Variants in KCNQ1OT1 observed in about 807,000 individuals in gnomAD.
KCNQ1OT1 encodes KCNQ1 opposite strand/antisense transcript 1, also known as KCNQ1 antisense RNA 2 (non-protein coding).
exon 1 of KCNQ1OT1, chr11:2,685,508 C>G (rs371994192): frequency 2.5e-6 from 1 of 398,816 alleles, no homozygotes; most frequent in Admixed American, 4.4e-5. Context: ...CACATCCAGA[C>G]AGGAGACGCT....
At chr11:2,650,681 T>G (rs1849743276) in exon 1 of KCNQ1OT1, 1 of 398,672 alleles carries the variant, frequency 2.5e-6, no homozygotes, top group Non-Finnish European at 4.4e-6. Context: ...GCCTCTTCTC[T>G]GATTCTGTAT....
exon 1 of KCNQ1OT1, chr11:2,696,965 C>G: frequency 2.5e-6 from 1 of 398,276 alleles, no homozygotes. Flanking sequence ...TGTTAAGTTC[C>G]TTAATTTTTT....
exon 1 of KCNQ1OT1, chr11:2,662,051 C>G (rs745904601): frequency 1.9e-6 from 3 of 1,614,238 alleles, no homozygotes; most frequent in Non-Finnish European, 1.7e-6. Context: ...GAAGGGGAGA[C>G]TCTGCTGACA....
chr11:2,643,448 T>C, exon 1 of KCNQ1OT1: 1 of 398,454 alleles, frequency 2.5e-6, no homozygotes, highest in Non-Finnish European at 4.4e-6. Flanking sequence ...TTAACCTTTG[T>C]TTTATCTGAT....
Position 2,648,319 on chromosome 11 carries a change from T to G in KCNQ1OT1, n.51676A>C, listed in dbSNP as rs925997851. ...ATTTATTTCCTTCTAATTTTAGGTT[T>G]GATTTGTTCTTGCTTTTCTAGTTCC... is the stretch of plus-strand genomic sequence containing the variant. On this transcript the variant is annotated non_coding_transcript_exon_variant, in exon 1 of 1. Transcript: ENST00000597346. The G allele has an allele frequency of 4.8e-5, 19 of 398,508 alleles. No individual in the cohort carries two copies. The Admixed American group carries it at 5.7e-4, about 12-fold the overall frequency. 24.7% of individuals were successfully genotyped at this position (398,508 alleles called of 1,614,324 possible).
Position 2,621,925 on chromosome 11 carries a change from G to A in KCNQ1OT1, n.78070C>T. 2.5e-6 allele frequency: 1 copy of A among 397,994 alleles called. No homozygotes were observed. 24.7% of individuals were successfully genotyped at this position (397,994 alleles called of 1,614,324 possible). On this transcript the variant is annotated non_coding_transcript_exon_variant, in exon 1 of 1. Coordinates refer to ENST00000597346, the Ensembl canonical transcript of KCNQ1OT1. This position sits in a 1 kb window ranked among gnomAD's most constrained non-coding sequence, Gnocchi z 5.7. ...CTTCTGTTAACTTTGGCTTTAGTTT[G>A]TTCTTCTTTTTCTAATTCCTTGAGG...
chr11:2,610,708 T>G, exon 1 of KCNQ1OT1: 2 of 393,764 alleles, frequency 5.1e-6, no homozygotes, highest in Non-Finnish European at 8.9e-6. Flanking sequence ...CACAGTATTC[T>G]TGGTTGGCTT....
In KCNQ1OT1 at chr11:2,644,620, C is replaced by G. The variant is rs1323944012; in HGVS notation, n.55375G>C. Reference sequence around the variant, plus strand: ...TAGGAGTTGTCATGTTTTGCCTTTTCATGTTTCTTGTGTGCTTACACTGGT... The same window carrying G: ...TAGGAGTTGTCATGTTTTGCCTTTTGATGTTTCTTGTGTGCTTACACTGGT... On this transcript the variant is annotated non_coding_transcript_exon_variant, in exon 1 of 1. Transcript: ENST00000597346. The G allele has an allele frequency of 1.0e-5, 4 of 398,372 alleles. No homozygotes were observed. In the Admixed American group the frequency reaches 1.8e-4, roughly 18 times the overall value. 24.7% of individuals were successfully genotyped at this position (398,372 alleles called of 1,614,324 possible).
exon 1 of KCNQ1OT1, chr11:2,644,581 A>C: frequency 2.5e-6 from 1 of 398,458 alleles, no homozygotes; most frequent in Non-Finnish European, 4.4e-6. Context: ...CTGTTGGAGA[A>C]TTATTGCATT....
At position 2,617,817 on chromosome 11, in the gene KCNQ1OT1, C is replaced by T; in HGVS notation, n.82178G>A. The T allele has an allele frequency of 2.5e-6, 1 of 398,460 alleles. No homozygotes were observed. The highest frequency in any genetic ancestry group is 4.4e-6 in the Non-Finnish European group (1 of 226,004). 24.7% of individuals were successfully genotyped at this position (398,460 alleles called of 1,614,324 possible). ...AAATGTCTTTTCATATATGTGTTTGCCATTTTTATAACTTCTTTGCAAAAA... is the reference window on the plus strand; with the variant it reads ...AAATGTCTTTTCATATATGTGTTTGTCATTTTTATAACTTCTTTGCAAAAA... On this transcript the variant is annotated non_coding_transcript_exon_variant, in exon 1 of 1. Coordinates refer to ENST00000597346, the Ensembl canonical transcript of KCNQ1OT1. The surrounding 1 kb of genome is among the most constrained non-coding windows in gnomAD (Gnocchi z 4.6).
At chr11:2,693,134 C>A (rs1210143311) in exon 1 of KCNQ1OT1, 1 of 398,552 alleles carries the variant, frequency 2.5e-6, no homozygotes, top group South Asian at 1.3e-4. Flanking sequence ...CTGTCAATCA[C>A]CAGATAGCCC....
Position 2,658,149 on chromosome 11 carries a change from T to C in KCNQ1OT1, n.41846A>G, listed in dbSNP as rs1849885557. 7.5e-6 allele frequency: 3 copies of C among 398,606 alleles called. No individual in the cohort carries two copies. The highest frequency in any genetic ancestry group is 1.3e-5 in the Non-Finnish European group (3 of 226,038). 24.7% of individuals were successfully genotyped at this position (398,606 alleles called of 1,614,324 possible). On this transcript the variant is annotated non_coding_transcript_exon_variant, in exon 1 of 1. Coordinates refer to ENST00000597346, the Ensembl canonical transcript of KCNQ1OT1. The surrounding 1 kb of genome is among the most constrained non-coding windows in gnomAD (Gnocchi z 4.9). Reference sequence around the variant, plus strand: ...AAATATGTTAAAACTACCACAGCAATTAAAATACATTTCAAGGAAGAAACT... The same window carrying C: ...AAATATGTTAAAACTACCACAGCAACTAAAATACATTTCAAGGAAGAAACT...
rs185248010 is a variant in KCNQ1OT1 at position 2,645,273 on chromosome 11, G to T, written n.54722C>A. 25 of 398,762 alleles carry T rather than the reference G, an allele frequency of 6.3e-5. No homozygotes were observed. The highest frequency in any genetic ancestry group is 3.9e-4 in the African/African-American group (19 of 48,740). The allele number at this position is 398,762 out of a possible 1,614,324, so 24.7% of individuals were successfully genotyped here. ...TGTGGTGGTAATGGTCAGTTGGGTAGGGCAGTCCTCAAGCCCCCAGGAGTG... is the reference window on the plus strand; with the variant it reads ...TGTGGTGGTAATGGTCAGTTGGGTATGGCAGTCCTCAAGCCCCCAGGAGTG... On this transcript the variant is annotated non_coding_transcript_exon_variant, in exon 1 of 1. Coordinates refer to ENST00000597346, the Ensembl canonical transcript of KCNQ1OT1. This position sits in a 1 kb window ranked among gnomAD's most constrained non-coding sequence, Gnocchi z 5.8.
rs1850305245 is a variant in KCNQ1OT1 at position 2,676,992 on chromosome 11, G to A, written n.23003C>T. ...TCTCCTTTTCATTAACAGCTGCAGA[G>A]TTTCATTGTGCCATGATTTATGGAA... On this transcript the variant is annotated non_coding_transcript_exon_variant, in exon 1 of 1. Transcript: ENST00000597346. This position sits in a 1 kb window ranked among gnomAD's most constrained non-coding sequence, Gnocchi z 4.2. 7.5e-6 allele frequency: 3 copies of A among 398,628 alleles called. No homozygotes were observed. In the Admixed American group the frequency reaches 1.3e-4, roughly 18 times the overall value. 24.7% of individuals were successfully genotyped at this position (398,628 alleles called of 1,614,324 possible).
chr11:2,686,064 G>A (rs1313463194), exon 1 of KCNQ1OT1: 2 of 399,064 alleles, frequency 5.0e-6, no homozygotes, highest in East Asian at 3.6e-5. Context: ...CAGGGGCAGG[G>A]GAAGGACAGG....
chr11:2,622,503 C>T, exon 1 of KCNQ1OT1: 1 of 398,314 alleles, frequency 2.5e-6, no homozygotes, highest in Non-Finnish European at 4.4e-6. Context: ...TCCATTCTGC[C>T]AACCTCTGCT....
At chr11:2,655,558 G>A in exon 1 of KCNQ1OT1, 1 of 398,736 alleles carries the variant, frequency 2.5e-6, no homozygotes, top group East Asian at 3.6e-5. Flanking sequence ...AGTTCAGGCT[G>A]TGAAATACCC....
Position 2,669,927 on chromosome 11 carries a change from C to T in KCNQ1OT1, n.30068G>A, listed in dbSNP as rs2133866968. The stretch of plus-strand genomic sequence containing the variant: ...GGCCTGAGAGTCCCAAGCTCCAGGA[C>T]AGTCTGGAGTCAGGTGGAGGGAAGG... On this transcript the variant is annotated non_coding_transcript_exon_variant, in exon 1 of 1. Transcript: ENST00000597346. The surrounding 1 kb of genome is among the most constrained non-coding windows in gnomAD (Gnocchi z 5.6). 1 of 398,604 alleles carries T rather than the reference C, an allele frequency of 2.5e-6. No homozygotes were observed. The highest frequency in any genetic ancestry group is 4.4e-6 in the Non-Finnish European group (1 of 226,110). 24.7% of individuals were successfully genotyped at this position (398,604 alleles called of 1,614,324 possible). A position where few individuals can be genotyped will look rare whatever the true frequency, so the allele number is the denominator to read the frequency against.
chr11:2,630,773 C>T, exon 1 of KCNQ1OT1: 1 of 398,474 alleles, frequency 2.5e-6, no homozygotes, highest in Non-Finnish European at 4.4e-6. Context: ...AGAGTAGTTG[C>T]TGATAAACTC....
Sources: gnomAD v4.1 joint callset for allele counts on GRCh38, gnomAD v4.1.1 for gene constraint, Gnocchi (gnomAD v3.1) non-coding constraint, MANE v1.5 for transcripts, NCBI Gene and HGNC (gene_info 2026-07-23, HGNC 2026-07-21) for gene names.